The following IQCM variants were observed in gnomAD, a reference collection of about 807,000 sequenced individuals.
IQCM encodes the protein IQ motif containing M, also known as IQ domain-containing protein M.
Under a neutral mutation model 57.6 loss-of-function variants are expected in IQCM, and 45 were observed. That is an observed-to-expected ratio of 0.78 (90% CI 0.62 to 1.00). The LOEUF (loss-of-function observed/expected upper bound fraction) is 1.00. Among genes scored for constraint, IQCM ranks in the 50% least tolerant of loss-of-function variants. The pLI is 0.00. For missense variants in IQCM, 468 were observed against 511.6 expected (o/e 0.91, Z 0.82); for synonymous variants, 148 against 158.9 (o/e 0.93, Z 0.51).
chr4:149,554,646 T>G (rs553160368), intron 10 of IQCM, among the ~76,000 whole-genome samples: 1 of 151,696 alleles, frequency 6.6e-6, no homozygotes, highest in African/African-American at 2.4e-5. Context: ...ATTTTTTGTT[T>G]GTTTGTTTGT....
intron 13 of IQCM, among the ~76,000 whole-genome samples, chr4:149,392,190 T>A (rs971861549): frequency 6.6e-6 from 1 of 151,968 alleles, no homozygotes; most frequent in African/African-American, 2.4e-5. Flanking sequence ...AGATATTCTT[T>A]TTGGCAAAAT....
At chr4:149,493,304 C>A (rs561597366) in intron 12 of IQCM, among the ~76,000 whole-genome samples, 1 of 152,012 alleles carries the variant, frequency 6.6e-6, no homozygotes, top group Non-Finnish European at 1.5e-5. Context: ...ACAACAAAAA[C>A]TTAAATGAAC....
chr4:149,595,647 G>C (rs758590130), intron 8 of IQCM, among the ~76,000 whole-genome samples: 2 of 152,074 alleles, frequency 1.3e-5, no homozygotes, highest in African/African-American at 4.8e-5. Context: ...GATTTAAACA[G>C]AAAAAATGTC....
chr4:149,669,414 C>T (rs1221791277), intron 7 of IQCM, among the ~76,000 whole-genome samples: 1 of 152,050 alleles, frequency 6.6e-6, no homozygotes, highest in Non-Finnish European at 1.5e-5. Flanking sequence ...AATTTTCTCC[C>T]GTTCTGTAGG....
At chr4:149,469,885 T>C (rs1739316240) in intron 12 of IQCM, among the ~76,000 whole-genome samples, 2 of 152,086 alleles carry the variant, frequency 1.3e-5, no homozygotes, top group African/African-American at 4.8e-5. Flanking sequence ...GCTTCATAAG[T>C]GAAGGAGAAA....
intron 7 of IQCM, among the ~76,000 whole-genome samples, chr4:149,659,410 G>A (rs773755673): frequency 2.1e-4 from 32 of 152,056 alleles, no homozygotes; most frequent in Non-Finnish European, 3.7e-4. Flanking sequence ...ACTGCCCAAG[G>A]TAATTTACAG....
chr4:149,509,286 C>CT (rs918004636), intron 12 of IQCM, among the ~76,000 whole-genome samples: 32 of 150,506 alleles, frequency 2.1e-4, no homozygotes, highest in East Asian at 3.9e-4. Context: ...TTTCTTTTTT[C>CT]TTTTTTTTTG....
At chr4:149,443,046 A>G (rs985444850) in intron 12 of IQCM, among the ~76,000 whole-genome samples, 2 of 151,728 alleles carry the variant, frequency 1.3e-5, no homozygotes, top group Admixed American at 6.6e-5. Context: ...TTGACTAGCC[A>G]AGTCCTAAGT....
chr4:149,386,522 A>G (rs548821209), intron 13 of IQCM, among the ~76,000 whole-genome samples: 4 of 152,150 alleles, frequency 2.6e-5, no homozygotes, highest in East Asian at 3.9e-4. Context: ...GCATACTGCA[A>G]TTGTCATTAT....
At chr4:149,517,740 T>C (rs770404686) in intron 12 of IQCM, among the ~76,000 whole-genome samples, 1 of 152,168 alleles carries the variant, frequency 6.6e-6, no homozygotes, top group Non-Finnish European at 1.5e-5. Context: ...GTGCCCAGAA[T>C]ATAGAGCAGG....
intron 13 of IQCM, among the ~76,000 whole-genome samples, chr4:149,361,106 C>A (rs980373623): frequency 6.6e-6 from 1 of 152,164 alleles, no homozygotes; most frequent in African/African-American, 2.4e-5. Flanking sequence ...AAGAGACTGG[C>A]GGCATTTTGC....
intron 2 of IQCM, among the ~76,000 whole-genome samples, chr4:149,759,285 C>T (rs984026994): frequency 2.0e-5 from 3 of 152,104 alleles, no homozygotes; most frequent in African/African-American, 4.8e-5. Flanking sequence ...ATTAATAGAG[C>T]ACAGCGGATT....
chr4:149,488,466 T>C (rs1424091845), intron 12 of IQCM, among the ~76,000 whole-genome samples: 1 of 152,172 alleles, frequency 6.6e-6, no homozygotes, highest in African/African-American at 2.4e-5. Flanking sequence ...CTTCAAAGTT[T>C]ATCATCATAT....
rs1309067597 is a variant in IQCM at position 149,755,775 on chromosome 4, A to C, written c.-48-13036T>G. On this transcript the variant is annotated intron_variant, in intron 2 of 13. Transcript: ENST00000636793. ...TAGCTGGACTACTTTTTCCAGGTGC[A>C]CTTGAAGTTGAAGTATGGCAAGTGA... Among the ~76,000 whole-genome samples the C allele has an allele frequency of 2.0e-5, 3 of 152,242 alleles. No individual in the cohort carries two copies. The East Asian group carries it at 5.8e-4, about 29-fold the overall frequency.
chr4:149,634,286 T>C (rs932001044), intron 7 of IQCM, among the ~76,000 whole-genome samples: 3 of 152,104 alleles, frequency 2.0e-5, no homozygotes, highest in Admixed American at 1.3e-4. Context: ...GCTTTTTCTT[T>C]TCAGTATTTA....
chr4:149,478,414 T>C (rs1162843046), intron 12 of IQCM, among the ~76,000 whole-genome samples: 2 of 152,186 alleles, frequency 1.3e-5, no homozygotes, highest in East Asian at 3.8e-4. Context: ...GTTGTTGGAC[T>C]TCTAAATAGC....
At chr4:149,376,740 T>G (rs1034843148) in intron 13 of IQCM, among the ~76,000 whole-genome samples, 2 of 152,198 alleles carry the variant, frequency 1.3e-5, no homozygotes, top group Admixed American at 6.6e-5. Context: ...ATAAAAAAAT[T>G]AAACATATTT....
chr4:149,528,623 C>T (rs941155308), intron 12 of IQCM, among the ~76,000 whole-genome samples: 8 of 151,986 alleles, frequency 5.3e-5, no homozygotes, highest in African/African-American at 1.7e-4. Flanking sequence ...AAAGAATAAG[C>T]CTGAGGAATT....
intron 9 of IQCM, among the ~76,000 whole-genome samples, chr4:149,578,662 A>T (rs1751885519): frequency 6.6e-6 from 1 of 151,820 alleles, no homozygotes; most frequent in African/African-American, 2.4e-5. Context: ...TTATCCCTAG[A>T]ATAGGGACTT....
Sources: allele counts gnomAD v4.1 joint callset (sites outside exome capture counted in the v4.1 genomes callset), GRCh38; gene constraint gnomAD v4.1.1; transcripts MANE v1.5; gene names NCBI Gene and HGNC (gene_info 2026-07-23, HGNC 2026-07-21).